DPP6: variants seen among roughly 807,000 people sequenced by gnomAD.
DPP6 encodes dipeptidyl peptidase like 6.
A neutral mutation model predicts 122.6 loss-of-function variants in DPP6; 69 were observed. The observed-to-expected ratio is 0.56, with a 90% CI of 0.46 to 0.69. DPP6 has a LOEUF of 0.69. Ranked by LOEUF, DPP6 falls within the 30% of genes least tolerant of loss-of-function variation. The pLI is 0.00. For missense variants in DPP6, 928 were observed against 1,116.9 expected (o/e 0.83, Z 2.41); for synonymous variants, 418 against 433.1 (o/e 0.97, Z 0.43).
At chr7:154,492,191 G>A (rs957962325) in intron 3 of DPP6, among the ~76,000 whole-genome samples, 2 of 152,262 alleles carry the variant, frequency 1.3e-5, no homozygotes, top group Non-Finnish European at 2.9e-5. Flanking sequence ...AAAAGCCATC[G>A]CTTTATTTTT....
chr7:154,073,629 A>C (rs1161801152), intron 1 of DPP6, among the ~76,000 whole-genome samples: 1 of 152,264 alleles, frequency 6.6e-6, no homozygotes, highest in African/African-American at 2.4e-5. Flanking sequence ...AAATAATTGC[A>C]ATGTGTAAAG....
the DPP6 span, among the ~76,000 whole-genome samples, chr7:153,864,709 ACACACACACACACG>A: frequency 7.0e-6 from 1 of 143,146 alleles, no homozygotes; most frequent in African/African-American, 2.7e-5. Context: ...ACACACACAC[ACACACACACACACG>A]TGCTTGGGGA....
At chr7:154,648,157 G>A (rs28502056) in intron 6 of DPP6, among the ~76,000 whole-genome samples, 22,309 of 151,690 alleles carry the variant, frequency 0.15, 1,929 homozygotes, top group African/African-American at 0.24. Flanking sequence ...CTACCTGGGA[G>A]GCAGAGACAG....
intron 1 of DPP6, among the ~76,000 whole-genome samples, chr7:153,940,902 C>T (rs1280376701): frequency 2.6e-5 from 4 of 152,220 alleles, no homozygotes; most frequent in South Asian, 2.1e-4. Flanking sequence ...ATTGCAGCTC[C>T]GAAATCTCTC....
intron 6 of DPP6, among the ~76,000 whole-genome samples, chr7:154,650,468 A>T (rs1563060279): frequency 6.6e-6 from 1 of 152,200 alleles, no homozygotes; most frequent in Non-Finnish European, 1.5e-5. Flanking sequence ...GCACTTGGAC[A>T]TCCTGGTGAC....
chr7:154,625,432 C>T (rs1452713833), intron 5 of DPP6, among the ~76,000 whole-genome samples: 1 of 152,112 alleles, frequency 6.6e-6, no homozygotes, highest in Non-Finnish European at 1.5e-5. Flanking sequence ...TAAGTTTAGA[C>T]ACAGGCTGCC....
chr7:154,351,434 C>T (rs972391898), intron 1 of DPP6, among the ~76,000 whole-genome samples: 1 of 152,184 alleles, frequency 6.6e-6, no homozygotes, highest in Non-Finnish European at 1.5e-5. Context: ...CCAAAAATAG[C>T]AGCTGAGTGT....
chr7:154,023,635 C>T (rs1475036695), intron 1 of DPP6, among the ~76,000 whole-genome samples: 1 of 151,690 alleles, frequency 6.6e-6, no homozygotes, highest in Non-Finnish European at 1.5e-5. Flanking sequence ...GTGCCTACCA[C>T]CATGCTCGGC....
intron 1 of DPP6, among the ~76,000 whole-genome samples, chr7:154,321,112 T>C (rs897724085): frequency 1.3e-4 from 19 of 151,914 alleles, no homozygotes; most frequent in African/African-American, 4.6e-4. Flanking sequence ...CAAAAATCCA[T>C]CTCTACAAAA....
chr7:154,190,849 G>A (rs1485425479), intron 1 of DPP6, among the ~76,000 whole-genome samples: 1 of 152,144 alleles, frequency 6.6e-6, no homozygotes, highest in Non-Finnish European at 1.5e-5. Context: ...ACTACTCCTA[G>A]CCAACAAAAT....
the DPP6 span, among the ~76,000 whole-genome samples, chr7:153,843,284 A>ATG: frequency 1.1e-4 from 17 of 151,888 alleles, 1 homozygote; most frequent in Admixed American, 9.8e-4. Flanking sequence ...GCGCGCGCAC[A>ATG]CACACACACA....
intron 21 of DPP6, 87 bp from the exon 22 acceptor site, chr7:154,885,546 G>A: frequency 6.6e-7 from 1 of 1,505,056 alleles, no homozygotes; most frequent in South Asian, 1.3e-5. Flanking sequence ...GGAACTGGCT[G>A]CTCTGGGGCT....
chr7:154,227,231 C>CACACACACACACACACACA (rs10525068), intron 1 of DPP6, among the ~76,000 whole-genome samples: 2 of 150,804 alleles, frequency 1.3e-5, no homozygotes, highest in Middle Eastern at 3.4e-3. Flanking sequence ...CACACACACA[C>CACACACACACACACACACA]CCCTAGGAAT....
intron 10 of DPP6, among the ~76,000 whole-genome samples, chr7:154,783,291 C>T (rs999701052): frequency 2.0e-5 from 3 of 152,138 alleles, no homozygotes; most frequent in Admixed American, 1.3e-4. Context: ...GTGATTGCTG[C>T]GAAATCAGGA....
At chr7:153,837,511 T>C in the DPP6 span, among the ~76,000 whole-genome samples, 3 of 152,174 alleles carry the variant, frequency 2.0e-5, no homozygotes, top group Admixed American at 1.3e-4. Flanking sequence ...CTCACACTCA[T>C]CTTTGTGCCA....
At chr7:154,106,809 G>T (rs952495684) in intron 1 of DPP6, among the ~76,000 whole-genome samples, 2 of 152,118 alleles carry the variant, frequency 1.3e-5, no homozygotes, top group African/African-American at 4.8e-5. Context: ...GGGGAGGGAC[G>T]GATGAAGGTT....
chr7:154,803,103 C>A (rs920487783), intron 13 of DPP6, among the ~76,000 whole-genome samples: 1 of 152,198 alleles, frequency 6.6e-6, no homozygotes, highest in South Asian at 2.1e-4. Flanking sequence ...CTGCTGCCCC[C>A]CAACCCCCAT....
intron 1 of DPP6, among the ~76,000 whole-genome samples, chr7:154,127,634 G>GACACACAC (rs1045351086): frequency 1.7e-5 from 1 of 59,722 alleles, no homozygotes; most frequent in African/African-American, 4.3e-5. Flanking sequence ...CACACACACA[G>GACACACAC]ACACACACAC....
intron 1 of DPP6, among the ~76,000 whole-genome samples, chr7:154,297,623 C>T (rs369434685): frequency 2.8e-4 from 43 of 152,282 alleles, no homozygotes; most frequent in African/African-American, 1.0e-3. Flanking sequence ...TTGTGCACGC[C>T]AGAAAACCTA....
Sources: gnomAD v4.1 joint callset for allele counts (sites outside exome capture counted in the v4.1 genomes callset) on GRCh38, gnomAD v4.1.1 for gene constraint, MANE v1.5 for transcripts, NCBI Gene and HGNC (gene_info 2026-07-23, HGNC 2026-07-21) for gene names.